EVPL: variants seen among roughly 807,000 people sequenced by gnomAD.
EVPL encodes 210 kDa cornified envelope precursor protein.
Under a neutral mutation model 129.7 loss-of-function variants are expected in EVPL, and 94 were observed. That is an observed-to-expected ratio of 0.72 (90% confidence interval 0.61 to 0.86). EVPL has a LOEUF of 0.86. EVPL is among the 40% of genes least tolerant of loss of function. The pLI, the probability that EVPL is intolerant of heterozygous loss-of-function variation, is 0.00. For synonymous variants in EVPL, 1,172 were observed against 1,191.1 expected (o/e 0.98, Z 0.33); for missense variants, 2,625 against 2,721.1 (o/e 0.96, Z 0.79).
In EVPL at chr17:76,020,250, TA is replaced by T. The variant is rs774358330; in HGVS notation, c.1012-598del. ...TACTCTGGTCGGTCTTTCTTTTTCC[TA>T]CCCAGGCGGCAGGACCTTTTATCAC... On this transcript the variant is annotated intron_variant, in intron 9 of 21. Coordinates refer to ENST00000301607, the MANE Select transcript of EVPL (RefSeq NM_001988.4). Among the ~76,000 whole-genome samples, 7 of 152,378 alleles carry T rather than the reference TA, an allele frequency of 4.6e-5. No individual in the cohort carries two copies. In the South Asian group the frequency reaches 1.2e-3, roughly 27 times the overall value.
Position 76,010,412 on chromosome 17 carries a change from C to T in EVPL, c.2793G>A (p.Val931=). Residue 931 remains valine, a synonymous_variant, in exon 22 of 22, where the codon GTG becomes GTA. Coordinates refer to ENST00000301607, the MANE Select transcript of EVPL (RefSeq NM_001988.4). ...TCCTCTGCGCCTCCAGCTCATGCTG[C>T]ACCCGGGCCACCCGCTTCCTCTCCT... ...LEEERKRVAR[V]QHELEAQRSQ... is the part of the protein sequence containing the mutation. 1 of 1,614,012 alleles carries T rather than the reference C, an allele frequency of 6.2e-7. No homozygotes were observed. The highest frequency in any genetic ancestry group is 8.5e-7 in the Non-Finnish European group (1 of 1,180,006).
In EVPL at chr17:76,012,352, GT is replaced by G. The variant is rs2066384361; in HGVS notation, c.2374-264del. 1.3e-5 allele frequency: 5 copies of G among 395,342 alleles called. No homozygotes were observed. In the South Asian group the frequency reaches 2.1e-4, roughly 17 times the overall value. 24.5% of individuals were successfully genotyped at this position (395,342 alleles called of 1,614,324 possible). A position where few individuals can be genotyped will look rare whatever the true frequency, so the allele number is the denominator to read the frequency against. ...GACCAAGTCTCACTCTGTCACCCAGGTTGGAGTGCGTGATCTCGGCTCACAG... is the reference window on the plus strand; with the variant it reads ...GACCAAGTCTCACTCTGTCACCCAGGTGGAGTGCGTGATCTCGGCTCACAG... On this transcript the variant is annotated intron_variant, in intron 18 of 21. Transcript: ENST00000301607.
Position 76,023,485 on chromosome 17 carries a change from C to T in EVPL, c.353+15G>A, listed in dbSNP as rs755356122. On this transcript the variant is annotated intron_variant, in intron 3 of 21. Coordinates refer to ENST00000301607, the MANE Select transcript of EVPL (RefSeq NM_001988.4). ...CTTCCCCAGGGACCCCCAGCCCTGC[C>T]GCAGCTCCACTCACTCCTTCTCAAT... is the stretch of plus-strand genomic sequence containing the variant. 25 of 1,611,800 alleles carry T rather than the reference C, an allele frequency of 1.6e-5. No homozygotes were observed. Among genetic ancestry groups the T allele is most frequent in the African/African-American group, 6.7e-5 (5 of 74,860 alleles).
Position 76,024,232 on chromosome 17 carries a change from C to T in EVPL, c.99-112G>A. On this transcript the variant is annotated intron_variant, in intron 1 of 21. Coordinates refer to ENST00000301607, the MANE Select transcript of EVPL (RefSeq NM_001988.4). This position sits in a 1 kb window ranked among gnomAD's most constrained non-coding sequence, Gnocchi z 4.5. ...CCCATCCTGCCCCCACAGCCTAGCT[C>T]ACTGCCCTGACTTTGGGGTCTCTCT... is the stretch of plus-strand genomic sequence containing the variant. 3.0e-6 allele frequency: 3 copies of T among 1,006,566 alleles called. No homozygotes were observed. In the South Asian group the frequency reaches 4.4e-5, roughly 15 times the overall value. The allele number at this position is 1,006,566 out of a possible 1,614,324, so 62.4% of individuals were successfully genotyped here. A position where few individuals can be genotyped will look rare whatever the true frequency, so the allele number is the denominator to read the frequency against.
rs750659292 is a variant in EVPL at position 76,022,010 on chromosome 17, C to T, written c.664G>A (p.Gly222Arg). The change falls in exon 7 of 22, where the codon GGG becomes AGG. Residue 222 changes from glycine (G) to arginine (R), a missense_variant. Gly to Arg is a moderately radical substitution (Grantham distance 125, BLOSUM62 -2). This residue lies in a region of EVPL where 1,024 missense variants were observed against 997.5 expected (regional missense o/e 1.03). Coordinates refer to ENST00000301607, the MANE Select transcript of EVPL (RefSeq NM_001988.4). This position sits in a 1 kb window ranked among gnomAD's most constrained non-coding sequence, Gnocchi z 5.6. ...RDLLKAASWR[G>R]QSLGSLYTHL... The stretch of plus-strand genomic sequence containing the variant: ...GTGTACAGGCTGCCCAGGCTCTGCC[C>T]GCGCCACGACGCCGCCTTCTGTGCT... The T allele has an allele frequency of 4.5e-6, 7 of 1,555,750 alleles. No homozygotes were observed. The African/African-American group carries it at 9.5e-5, about 21-fold the overall frequency.
chr17:76,018,811 G>T (rs1296834012), intron 11 of EVPL, 103 bp downstream of exon 11: 1 of 1,378,456 alleles, frequency 7.3e-7, no homozygotes, highest in East Asian at 2.5e-5. Context: ...AAAAGTGGGC[G>T]CAGGAGACAG....
chr17:76,019,269 C>T (rs1361119238), intron 10 of EVPL, among the ~76,000 whole-genome samples: 2 of 152,108 alleles, frequency 1.3e-5, no homozygotes, highest in African/African-American at 2.4e-5. Context: ...TCACCCAGGC[C>T]ACCAAGCAGA....
At chr17:76,017,150 T>C (rs753960830) in intron 14 of EVPL, among the ~76,000 whole-genome samples, 1 of 145,846 alleles carries the variant, frequency 6.9e-6, no homozygotes, top group Non-Finnish European at 1.5e-5. Flanking sequence ...GAGGCAGAAG[T>C]TGCAGTGAGC....
rs769550746 is a variant in EVPL, at chr17:76,012,099, A to G, written c.2374-10T>C. ...TCTCCTGCGTCAGCCTCTGCCAGGG[A>G]AGAACCCAGAGTCAGGAGGCCAGGA... On this transcript the variant is annotated splice_polypyrimidine_tract_variant and intron_variant, in intron 18 of 21. Coordinates refer to ENST00000301607, the MANE Select transcript of EVPL (RefSeq NM_001988.4). 6.2e-7 allele frequency: 1 copy of G among 1,605,876 alleles called. No individual in the cohort carries two copies. The highest frequency in any genetic ancestry group is 8.5e-7 in the Non-Finnish European group (1 of 1,177,476).
rs1310128566 is a variant in EVPL, at chr17:76,008,551, C to A, written c.4654G>T (p.Ala1552Ser). 1 of 1,608,786 alleles carries A rather than the reference C, an allele frequency of 6.2e-7. No individual in the cohort carries two copies. ...AGGCGCCGTGCCTCCTCCTCCCGGG[C>A]CTGCCGGGCCGTGCGCTCCCTGTTG... Reference protein sequence around the residue: ...MLNRERTARQAREEEARRLRE... With the variant: ...MLNRERTARQSREEEARRLRE... The change falls in exon 22 of 22, where the codon GCC becomes TCC. Residue 1552 changes from alanine to serine, a missense_variant. Ala to Ser is a moderately conservative substitution (Grantham distance 99). Around this residue, in one of 4 missense-constraint regions of EVPL, gnomAD observed 1,453 missense variants for 1,511.8 expected, o/e 0.96. Coordinates refer to ENST00000301607, the MANE Select transcript of EVPL (RefSeq NM_001988.4). The surrounding 1 kb of genome is among the most constrained non-coding windows in gnomAD (Gnocchi z 7.4).
Position 76,009,872 on chromosome 17 carries a change from C to T in EVPL, c.3333G>A (p.Glu1111=), listed in dbSNP as rs763959931. 3.7e-6 allele frequency: 6 copies of T among 1,614,026 alleles called. No homozygotes were observed. In the Admixed American group the frequency reaches 8.3e-5, roughly 22 times the overall value. The change falls in exon 22 of 22, where the codon GAG becomes GAA. Residue 1111 remains glutamate, a synonymous_variant. Coordinates refer to ENST00000301607, the MANE Select transcript of EVPL (RefSeq NM_001988.4). This position sits in a 1 kb window ranked among gnomAD's most constrained non-coding sequence, Gnocchi z 5.9. ...EDAARRKQAE[E]AVAKLQARIE... ...TGCGAGCCTGTAGCTTGGCCACAGCCTCCTCCGCCTGCTTCCTCCGCGCAG... is the reference window on the plus strand; with the variant it reads ...TGCGAGCCTGTAGCTTGGCCACAGCTTCCTCCGCCTGCTTCCTCCGCGCAG...
intron 1 of EVPL, among the ~76,000 whole-genome samples, chr17:76,026,163 C>T (rs753635263): frequency 7.9e-5 from 12 of 151,886 alleles, no homozygotes; most frequent in Non-Finnish European, 1.5e-4. Context: ...AGGCTGGTCT[C>T]GAACTCCCGG....
rs768418041 is a variant in EVPL, at chr17:76,008,018, C to CA, written c.5186_5187insT (p.Pro1731AlafsTer30). On this transcript the variant is annotated frameshift_variant, in exon 22 of 22. Coordinates refer to ENST00000301607, the MANE Select transcript of EVPL (RefSeq NM_001988.4). LOFTEE classifies it high-confidence loss of function. This position sits in a 1 kb window ranked among gnomAD's most constrained non-coding sequence, Gnocchi z 7.4. ...GCACAGACTCCTCCCCACAGGGCCCCGAGGTGGTGACCTCCTCCCAGTCAC... is the reference window on the plus strand; with the variant it reads ...GCACAGACTCCTCCCCACAGGGCCCCAGAGGTGGTGACCTCCTCCCAGTCAC... The CA allele has an allele frequency of 1.9e-6, 3 of 1,613,982 alleles. No individual in the cohort carries two copies. Among genetic ancestry groups the CA allele is most frequent in the Non-Finnish European group, 2.5e-6 (3 of 1,180,038 alleles).
intron 14 of EVPL, among the ~76,000 whole-genome samples, chr17:76,016,269 C>G (rs903335203): frequency 6.6e-6 from 1 of 152,242 alleles, no homozygotes; most frequent in Non-Finnish European, 1.5e-5. Context: ...CTGTCCTGCT[C>G]ACAAGACCAT....
In EVPL at chr17:76,010,415, C is replaced by T; in HGVS notation, c.2790G>A (p.Arg930=). ...TCTGCGCCTCCAGCTCATGCTGCACCCGGGCCACCCGCTTCCTCTCCTCTT... is the reference window on the plus strand; with the variant it reads ...TCTGCGCCTCCAGCTCATGCTGCACTCGGGCCACCCGCTTCCTCTCCTCTT... The part of the protein sequence containing the change: ...QLEEERKRVA[R]VQHELEAQRS... The change falls in exon 22 of 22, where the codon CGG becomes CGA. Residue 930 remains arginine (R), a synonymous_variant. Transcript: ENST00000301607. The T allele has an allele frequency of 6.2e-7, 1 of 1,613,970 alleles. No individual in the cohort carries two copies. Among genetic ancestry groups the T allele is most frequent in the Non-Finnish European group, 8.5e-7 (1 of 1,180,000 alleles).
In EVPL at chr17:76,007,745, G is replaced by T. The variant is rs775898685; in HGVS notation, c.5460C>A (p.Leu1820=). Residue 1820 remains leucine (L), a synonymous_variant, in exon 22 of 22, where the codon CTC becomes CTA. Transcript: ENST00000301607. This position sits in a 1 kb window ranked among gnomAD's most constrained non-coding sequence, Gnocchi z 8.8. ...SFFSPSFSLG[L]GDDSFPIAGI... ...CGGCGATAGGGAAGCTGTCATCACCGAGCCCGAGAGAGAAGCTGGGAGAGA... is the reference window on the plus strand; with the variant it reads ...CGGCGATAGGGAAGCTGTCATCACCTAGCCCGAGAGAGAAGCTGGGAGAGA... 1 of 1,612,828 alleles carries T rather than the reference G, an allele frequency of 6.2e-7. No homozygotes were observed. The highest frequency in any genetic ancestry group is 8.5e-7 in the Non-Finnish European group (1 of 1,179,154).
At position 76,009,853 on chromosome 17, in the gene EVPL, C is replaced by T; in HGVS notation, c.3352G>A (p.Ala1118Thr). 6.2e-7 allele frequency: 1 copy of T among 1,614,094 alleles called. No homozygotes were observed. The highest frequency in any genetic ancestry group is 2.2e-5 in the East Asian group (1 of 44,882). Residue 1118 changes from alanine (A) to threonine (T), a missense_variant, in exon 22 of 22, where the codon GCT (alanine) becomes ACT (threonine). Physicochemically the swap from Ala to Thr is moderately conservative, Grantham distance 58. Coordinates refer to ENST00000301607, the MANE Select transcript of EVPL (RefSeq NM_001988.4). This position sits in a 1 kb window ranked among gnomAD's most constrained non-coding sequence, Gnocchi z 5.9. ...QAEEAVAKLQ[A>T]RIEDLERAIS... ...GCCCGCTCCAGGTCTTCGATGCGAG[C>T]CTGTAGCTTGGCCACAGCCTCCTCC...
Position 76,021,963 on chromosome 17 carries a change from CCGCGT to C in EVPL, c.706_710del (p.Thr236AlafsTer7). On this transcript the variant is annotated frameshift_variant, in exon 7 of 22. Coordinates refer to ENST00000301607, the MANE Select transcript of EVPL (RefSeq NM_001988.4). LOFTEE classifies it high-confidence loss of function. ...GCTGCTCAGCCAGGGCGCTCAGCTG[CCGCGT>C]GCAGCCCTGGAGGTGCGTGTACAGG... 3 of 1,559,826 alleles carry C rather than the reference CCGCGT, an allele frequency of 1.9e-6. No homozygotes were observed. In the South Asian group the frequency reaches 3.5e-5, roughly 18 times the overall value.
At position 76,007,039 on chromosome 17, in the gene EVPL, C is replaced by A; in HGVS notation, c.*64G>T. The stretch of plus-strand genomic sequence containing the variant: ...TGCCTGGGATGAGGCTGCTCTGAGG[C>A]AAGAGGTGTACGTATCCTACCTGGC... On this transcript the variant is annotated 3_prime_UTR_variant, in exon 22 of 22. Transcript: ENST00000301607. This position sits in a 1 kb window ranked among gnomAD's most constrained non-coding sequence, Gnocchi z 8.8. 2 of 1,335,848 alleles carry A rather than the reference C, an allele frequency of 1.5e-6. No individual in the cohort carries two copies. Among genetic ancestry groups the A allele is most frequent in the Non-Finnish European group, 1.9e-6 (2 of 1,042,446 alleles). The allele number at this position is 1,335,848 out of a possible 1,614,324, so 82.7% of individuals were successfully genotyped here.
Sources: gnomAD v4.1 joint callset for allele counts (sites outside exome capture counted in the v4.1 genomes callset) on GRCh38, gnomAD v4.1.1 for gene constraint, gnomAD v4.1.1 regional missense constraint, Gnocchi (gnomAD v3.1) non-coding constraint, MANE v1.5 for transcripts, NCBI Gene and HGNC (gene_info 2026-07-23, HGNC 2026-07-21) for gene names.